CIMIP5: variants seen among roughly 807,000 people sequenced by gnomAD.
CIMIP5 encodes uncharacterized protein C2orf50.
the CIMIP5 span, among the ~76,000 whole-genome samples, chr2:11,142,689 T>C: frequency 6.6e-6 from 1 of 151,054 alleles, no homozygotes. Flanking sequence ...CAGGAAGAGC[T>C]GAGGATGTTT....
chr2:11,137,561 A>T, the CIMIP5 span, among the ~76,000 whole-genome samples: 18 of 152,268 alleles, frequency 1.2e-4, no homozygotes, highest in Non-Finnish European at 7.3e-5. Context: ...CCTATCTTTA[A>T]TCAAAACTCC....
the CIMIP5 span, among the ~76,000 whole-genome samples, chr2:11,150,637 G>C: frequency 7.8e-6 from 1 of 127,748 alleles, no homozygotes; most frequent in African/African-American, 2.6e-5. Flanking sequence ...CGGTGGTTTA[G>C]GAATTTTTTT....
the CIMIP5 span, among the ~76,000 whole-genome samples, chr2:11,134,566 A>G: frequency 6.6e-6 from 1 of 152,150 alleles, no homozygotes; most frequent in Admixed American, 6.5e-5. Context: ...TAGAAGTGGA[A>G]TTGTGCAATA....
chr2:11,143,932 G>A, the CIMIP5 span: 4 of 1,590,492 alleles, frequency 2.5e-6, no homozygotes, highest in Non-Finnish European at 3.4e-6. Context: ...CAACAAGAAG[G>A]AGCCTGAGAA....
At chr2:11,153,901 G>A in the CIMIP5 span, among the ~76,000 whole-genome samples, 2 of 146,886 alleles carry the variant, frequency 1.4e-5, no homozygotes, top group Non-Finnish European at 3.0e-5. Flanking sequence ...TCCAGCCTGG[G>A]CGACAAGAGT....
chr2:11,139,551 A>G, the CIMIP5 span, among the ~76,000 whole-genome samples: 31 of 152,136 alleles, frequency 2.0e-4, no homozygotes, highest in African/African-American at 7.0e-4. Context: ...CTCACATTGG[A>G]AAGTTACAAA....
chr2:11,134,820 T>C, the CIMIP5 span, among the ~76,000 whole-genome samples: 2 of 152,222 alleles, frequency 1.3e-5, no homozygotes, highest in Non-Finnish European at 2.9e-5. Flanking sequence ...TTAGTCCATT[T>C]TGCATTGCTG....
At chr2:11,134,704 T>C in the CIMIP5 span, among the ~76,000 whole-genome samples, 1 of 152,266 alleles carries the variant, frequency 6.6e-6, no homozygotes, top group African/African-American at 2.4e-5. Context: ...TATTCATTTG[T>C]CAATGGACTT....
the CIMIP5 span, among the ~76,000 whole-genome samples, chr2:11,153,379 G>A: frequency 6.6e-6 from 1 of 152,172 alleles, no homozygotes; most frequent in Non-Finnish European, 1.5e-5. Context: ...AAGTGCTAGC[G>A]CAGGCTGACC....
the CIMIP5 span, among the ~76,000 whole-genome samples, chr2:11,153,789 T>G: frequency 6.6e-6 from 1 of 151,890 alleles, no homozygotes; most frequent in South Asian, 2.1e-4. Context: ...CCGGGAGTGG[T>G]GGCACATGCC....
the CIMIP5 span, among the ~76,000 whole-genome samples, chr2:11,135,411 G>A: frequency 2.0e-5 from 3 of 152,180 alleles, no homozygotes; most frequent in South Asian, 2.1e-4. Context: ...TAGGTGTGAC[G>A]TGGTATCTCA....
chr2:11,135,856 G>T, the CIMIP5 span, among the ~76,000 whole-genome samples: 1 of 151,828 alleles, frequency 6.6e-6, no homozygotes, highest in Non-Finnish European at 1.5e-5. Flanking sequence ...TTGTGGTTTT[G>T]ATTTGCATTT....
chr2:11,140,886 A>T, the CIMIP5 span, among the ~76,000 whole-genome samples: 1 of 152,148 alleles, frequency 6.6e-6, no homozygotes, highest in Non-Finnish European at 1.5e-5. Context: ...GGACAATGAG[A>T]TTGGGTAAAA....
the CIMIP5 span, chr2:11,143,904 T>G: frequency 6.4e-7 from 1 of 1,556,334 alleles, no homozygotes; most frequent in Non-Finnish European, 8.7e-7. Context: ...TGACCCGAGC[T>G]GTCCCCTCTC....
chr2:11,152,030 G>A, the CIMIP5 span, among the ~76,000 whole-genome samples: 16 of 152,348 alleles, frequency 1.1e-4, no homozygotes, highest in African/African-American at 3.4e-4. Flanking sequence ...CACGGGGGTC[G>A]AAGTGAAGTT....
chr2:11,133,526 T>TGGCG, the CIMIP5 span: 2 of 1,608,426 alleles, frequency 1.2e-6, no homozygotes, highest in Non-Finnish European at 1.7e-6. Flanking sequence ...CTGCCTGCGA[T>TGGCG]GGCGTGCAGC....
chr2:11,133,299 C>G, the CIMIP5 span: 1 of 1,541,708 alleles, frequency 6.5e-7, no homozygotes. Flanking sequence ...CTCTCTCTCT[C>G]TGACACAAGC....
At chr2:11,134,642 G>A in the CIMIP5 span, among the ~76,000 whole-genome samples, 1 of 152,094 alleles carries the variant, frequency 6.6e-6, no homozygotes, top group East Asian at 1.9e-4. Context: ...GTTGCATATC[G>A]CAGAATTTCC....
the CIMIP5 span, among the ~76,000 whole-genome samples, chr2:11,151,542 G>T: frequency 6.6e-6 from 1 of 152,258 alleles, no homozygotes; most frequent in Non-Finnish European, 1.5e-5. Context: ...TTCACACAGA[G>T]CCAGCTGTGC....
Sources: gnomAD v4.1 joint callset for allele counts (sites outside exome capture counted in the v4.1 genomes callset) on GRCh38, gnomAD v4.1.1 for gene constraint, MANE v1.5 for transcripts, NCBI Gene and HGNC (gene_info 2026-07-23, HGNC 2026-07-21) for gene names.